TNFAIP8: variants seen among roughly 807,000 people sequenced by gnomAD.
TNFAIP8 encodes the protein TNF alpha induced protein 8, also known as tumor necrosis factor alpha-induced protein 8.
In TNFAIP8, 7 loss-of-function variants were observed where a neutral mutation model predicts 13.3. That is an observed-to-expected ratio of 0.52 (90% confidence interval 0.30 to 0.99). The LOEUF is 0.99. Ranked by LOEUF, TNFAIP8 falls within the 50% of genes least tolerant of loss-of-function variation. TNFAIP8 has a pLI of 0.07. For synonymous variants in TNFAIP8, 94 were observed against 87.6 expected (o/e 1.07, Z -0.41); for missense variants, 258 against 236.9 (o/e 1.09, Z -0.58).
At chr5:119,301,197 C>T (rs931113918) in intron 1 of TNFAIP8, among the ~76,000 whole-genome samples, 1 of 152,140 alleles carries the variant, frequency 6.6e-6, no homozygotes, top group African/African-American at 2.4e-5. Flanking sequence ...ATCTGAGCTT[C>T]GTAGTTTGGT....
intron 1 of TNFAIP8, among the ~76,000 whole-genome samples, chr5:119,363,372 G>A (rs1751704647): frequency 6.6e-6 from 1 of 152,190 alleles, no homozygotes; most frequent in Admixed American, 6.5e-5. Flanking sequence ...GGGCCCAGGA[G>A]GTGACTGCCC....
At chr5:119,284,091 A>G (rs776810343) in intron 1 of TNFAIP8, among the ~76,000 whole-genome samples, 3 of 152,170 alleles carry the variant, frequency 2.0e-5, no homozygotes, top group Non-Finnish European at 4.4e-5. Context: ...ACATTCTTCA[A>G]TGGCAGTTTG....
chr5:119,336,467 CTG>C (rs1299782201), intron 1 of TNFAIP8, among the ~76,000 whole-genome samples: 1 of 152,188 alleles, frequency 6.6e-6, no homozygotes, highest in Non-Finnish European at 1.5e-5. Context: ...TATTCCCCTG[CTG>C]TGTCTCTGTC....
chr5:119,340,351 A>G (rs1233846221), intron 1 of TNFAIP8, among the ~76,000 whole-genome samples: 2 of 152,248 alleles, frequency 1.3e-5, no homozygotes, highest in Non-Finnish European at 2.9e-5. Flanking sequence ...TGTGGGTCAC[A>G]GAAATTCGAT....
At chr5:119,380,471 A>G (rs1225945078) in intron 1 of TNFAIP8, among the ~76,000 whole-genome samples, 1 of 152,246 alleles carries the variant, frequency 6.6e-6, no homozygotes, top group African/African-American at 2.4e-5. Context: ...AAAAGTGTAG[A>G]AAATCACGGA....
At chr5:119,379,861 G>A (rs1164560849) in intron 1 of TNFAIP8, among the ~76,000 whole-genome samples, 1 of 152,004 alleles carries the variant, frequency 6.6e-6, no homozygotes, top group Admixed American at 6.6e-5. Context: ...CCAAAGTGCT[G>A]GGATTATAGG....
intron 1 of TNFAIP8, among the ~76,000 whole-genome samples, chr5:119,375,948 A>G (rs1220949377): frequency 2.6e-5 from 4 of 152,124 alleles, no homozygotes; most frequent in Non-Finnish European, 4.4e-5. Flanking sequence ...AACAATTATT[A>G]TTTTTCAAAG....
At chr5:119,347,996 A>G (rs1230021707) in intron 1 of TNFAIP8, among the ~76,000 whole-genome samples, 1 of 152,204 alleles carries the variant, frequency 6.6e-6, no homozygotes, top group African/African-American at 2.4e-5. Context: ...GGAGTACTAC[A>G]TTTGTCTTCT....
At chr5:119,292,675 TATATATATATACACACACAC>T (rs574301045) in intron 1 of TNFAIP8, among the ~76,000 whole-genome samples, 710 of 36,084 alleles carry the variant, frequency 0.02, 89 homozygotes, top group East Asian at 0.067. Context: ...TATATATATA[TATATATATATACACACACAC>T]ACAATGAAAT....
intron 1 of TNFAIP8, chr5:119,391,465 A>T: frequency 1.4e-6 from 1 of 701,520 alleles, no homozygotes; most frequent in South Asian, 1.5e-5. Flanking sequence ...CCTTAGGAGA[A>T]GCGAGAGAAA....
intron 1 of TNFAIP8, among the ~76,000 whole-genome samples, chr5:119,320,355 C>T (rs925110064): frequency 2.6e-5 from 4 of 152,160 alleles, no homozygotes; most frequent in African/African-American, 9.7e-5. Context: ...ATGGAAACAT[C>T]CCTATCACCA....
At chr5:119,299,096 T>G (rs1443559879) in intron 1 of TNFAIP8, among the ~76,000 whole-genome samples, 2 of 152,270 alleles carry the variant, frequency 1.3e-5, no homozygotes, top group Non-Finnish European at 2.9e-5. Flanking sequence ...TGAAGCTTTC[T>G]TCTCTCAACT....
At chr5:119,354,397 A>G (rs1310758179), upstream of TNFAIP8, 3 of 152,172 alleles carry the variant, frequency 2.0e-5, no homozygotes, top group Non-Finnish European at 2.9e-5. Flanking sequence ...ACATGTTAGA[A>G]TCTTAGGCAG....
intron 1 of TNFAIP8, among the ~76,000 whole-genome samples, chr5:119,283,870 C>A (rs1748704720): frequency 6.6e-6 from 1 of 152,174 alleles, no homozygotes; most frequent in Non-Finnish European, 1.5e-5. Context: ...GTTAAAAAAA[C>A]AAAACAAAAC....
intron 1 of TNFAIP8, among the ~76,000 whole-genome samples, chr5:119,340,877 A>G (rs1750713245): frequency 6.6e-6 from 1 of 152,164 alleles, no homozygotes. Flanking sequence ...TTCACCGAAT[A>G]GAGGGGTCGT....
At chr5:119,319,109 T>C (rs112627383) in intron 1 of TNFAIP8, among the ~76,000 whole-genome samples, 46 of 152,316 alleles carry the variant, frequency 3.0e-4, no homozygotes, top group African/African-American at 1.1e-3. Flanking sequence ...AATTTATAAT[T>C]GCATTAAAAG....
At chr5:119,336,280 G>T (rs1212819256) in intron 1 of TNFAIP8, among the ~76,000 whole-genome samples, 1 of 152,194 alleles carries the variant, frequency 6.6e-6, no homozygotes, top group East Asian at 1.9e-4. Context: ...CAGCCTCATG[G>T]TGTGAGAGCT....
chr5:119,291,761 G>A (rs1223269393), intron 1 of TNFAIP8, among the ~76,000 whole-genome samples: 3 of 152,114 alleles, frequency 2.0e-5, no homozygotes, highest in African/African-American at 2.4e-5. Context: ...TTCGTTGCCC[G>A]GGTAAGTATT....
chr5:119,386,591 T>A (rs1752682199), intron 1 of TNFAIP8, among the ~76,000 whole-genome samples: 1 of 152,224 alleles, frequency 6.6e-6, no homozygotes, highest in Non-Finnish European at 1.5e-5. Flanking sequence ...ATGTCTTCTT[T>A]ACTATGTTGC....
Sources: allele counts gnomAD v4.1 joint callset (sites outside exome capture counted in the v4.1 genomes callset), GRCh38; gene constraint gnomAD v4.1.1; transcripts MANE v1.5; gene names NCBI Gene and HGNC (gene_info 2026-07-23, HGNC 2026-07-21).